The following KRT9 variants were observed in gnomAD, a reference collection of about 807,000 sequenced individuals.
The protein encoded by KRT9 is keratin, type I cytoskeletal 9.
In KRT9, 34 loss-of-function variants were observed where a neutral mutation model predicts 51.4. The ratio of observed to expected loss-of-function variants is 0.66; its 90% CI spans 0.50 to 0.88. The LOEUF (loss-of-function observed/expected upper bound fraction) is 0.88. KRT9 is among the 40% of genes least tolerant of loss of function. KRT9 has a pLI of 0.00. For synonymous variants in KRT9, 292 were observed against 289.7 expected (o/e 1.01, Z -0.08); for missense variants, 753 against 790.3 (o/e 0.95, Z 0.57).
chr17:41,567,786 CG>C, intron 6 of KRT9, 36 bp from the exon 7 acceptor site: 1 of 1,613,274 alleles, frequency 6.2e-7, no homozygotes, highest in Non-Finnish European at 8.5e-7. Flanking sequence ...TTAAAATGAG[CG>C]GCCCCCATAC....
rs770801767 is a variant in KRT9, at chr17:41,567,396, T to TC, written c.1748dup (p.Gly584ArgfsTer12). ...AACCACTTCCTCCACCATGGCTGCC[T>TC]CCACTTCCTCCCCTGGACCCACTTC... On this transcript the variant is annotated frameshift_variant, in exon 7 of 8. Coordinates refer to ENST00000246662, the MANE Select transcript of KRT9 (RefSeq NM_000226.4). LOFTEE classifies it low-confidence loss of function (END_TRUNC). 4 of 1,592,026 alleles carry TC rather than the reference T, an allele frequency of 2.5e-6. No individual in the cohort carries two copies. The South Asian group carries it at 4.5e-5, about 18-fold the overall frequency.
At chr17:41,569,066 C>T (rs1404998806) in intron 4 of KRT9, among the ~76,000 whole-genome samples, 1 of 152,132 alleles carries the variant, frequency 6.6e-6, no homozygotes, top group Non-Finnish European at 1.5e-5. Flanking sequence ...ACACTGTATC[C>T]CTCTGCTATA....
At chr17:41,566,305 T>C (rs1046147087) in intron 7 of KRT9, among the ~76,000 whole-genome samples, 153 bp from the exon 8 acceptor site, 11 of 152,274 alleles carry the variant, frequency 7.2e-5, no homozygotes, top group Admixed American at 2.0e-4. Context: ...CCCTGGGGTC[T>C]CCCAATCTAC....
intron 4 of KRT9, 94 bp downstream of exon 4, chr17:41,569,332 C>A (rs1031741452): frequency 5.6e-6 from 7 of 1,243,102 alleles, no homozygotes; most frequent in East Asian, 2.5e-5. Flanking sequence ...CTGAGAGATG[C>A]AGAGATAGGA....
intron 3 of KRT9, 50 bp downstream of exon 3, chr17:41,569,809 C>A: frequency 6.2e-7 from 1 of 1,609,762 alleles, no homozygotes. Flanking sequence ...GCTGTCTCTG[C>A]ATTTCTGCTC....
rs751248359 is a variant in KRT9 at position 41,568,652 on chromosome 17, A to G, written c.1045-19T>C. 21 of 1,614,004 alleles carry G rather than the reference A, an allele frequency of 1.3e-5. No homozygotes were observed. The highest frequency in any genetic ancestry group is 1.6e-4 in the Middle Eastern group (1 of 6,084). On this transcript the variant is annotated intron_variant, in intron 4 of 7. Coordinates refer to ENST00000246662, the MANE Select transcript of KRT9 (RefSeq NM_000226.4). ...GGGTTATCTGCAAAACCAAAGGCTC[A>G]GTAAGCATCAGGCTGTGCCAGGAGC...
chr17:41,568,278 G>A lies in KRT9; in HGVS notation c.1278C>T (p.Val426=). 1 of 1,614,154 alleles carries A rather than the reference G, an allele frequency of 6.2e-7. No homozygotes were observed. Among genetic ancestry groups the A allele is most frequent in the Non-Finnish European group, 8.5e-7 (1 of 1,180,032 alleles). Residue 426 remains valine, a synonymous_variant, in exon 6 of 8, where the codon GTC becomes GTT. Transcript: ENST00000246662. Reference sequence around the variant, plus strand: ...GATTCTGGCACTCGATCTCTTGCCGGACGTCAGTGATCTGGGCCTCCAAGT... The same window carrying A: ...GATTCTGGCACTCGATCTCTTGCCGAACGTCAGTGATCTGGGCCTCCAAGT... ...ISNLEAQITD[V]RQEIECQNQE...
Position 41,570,180 on chromosome 17 carries a change from TC to T in KRT9, c.682del (p.Asp228ThrfsTer7). ...LTVGNNKTLL[D>X]IDNTRMTLDD... ...CAGTGTCATGCGAGTGTTGTCAATGTCCAGGAGAGTTTTGTTGTTGCCCACT... is the reference window on the plus strand; with the variant it reads ...CAGTGTCATGCGAGTGTTGTCAATGTCAGGAGAGTTTTGTTGTTGCCCACT... On this transcript the variant is annotated frameshift_variant, in exon 2 of 8. Coordinates refer to ENST00000246662, the MANE Select transcript of KRT9 (RefSeq NM_000226.4). LOFTEE classifies it high-confidence loss of function. 6.2e-7 allele frequency: 1 copy of T among 1,613,938 alleles called. No homozygotes were observed. Among genetic ancestry groups the T allele is most frequent in the Non-Finnish European group, 8.5e-7 (1 of 1,179,976 alleles).
intron 1 of KRT9, among the ~76,000 whole-genome samples, chr17:41,570,790 C>G (rs1339230506): frequency 6.6e-6 from 1 of 152,134 alleles, no homozygotes; most frequent in Non-Finnish European, 1.5e-5. Flanking sequence ...CTATGTCTAC[C>G]CAGAGCAACC....
At chr17:41,570,092 G>C in intron 2 of KRT9, 46 bp downstream of exon 2, 1 of 1,612,472 alleles carries the variant, frequency 6.2e-7, no homozygotes, top group Non-Finnish European at 8.5e-7. Flanking sequence ...CTGAGGTTCA[G>C]GGGTAAGGGC....
At position 41,569,840 on chromosome 17, in the gene KRT9, A is replaced by T. The variant is rs1165300210; in HGVS notation, c.882+19T>A. 1 of 1,614,010 alleles carries T rather than the reference A, an allele frequency of 6.2e-7. No homozygotes were observed. The highest frequency in any genetic ancestry group is 8.5e-7 in the Non-Finnish European group (1 of 1,179,978). The stretch of plus-strand genomic sequence containing the variant: ...TGCTCCTCCCTCTTCCCGGTAAGCC[A>T]TAAGCCCCAGCAACCTACCTCCTTA... On this transcript the variant is annotated intron_variant, in intron 3 of 7. Coordinates refer to ENST00000246662, the MANE Select transcript of KRT9 (RefSeq NM_000226.4).
rs781455384 is a variant in KRT9, at chr17:41,569,547, T to A, written c.923A>T (p.Asn308Ile). Residue 308 changes from asparagine (N) to isoleucine (I), a missense_variant, in exon 4 of 8, where the codon AAT becomes ATT. This residue lies in a region of KRT9 where 507 missense variants were observed against 563.7 expected (regional missense o/e 0.90). Coordinates refer to ENST00000246662, the MANE Select transcript of KRT9 (RefSeq NM_000226.4). The part of the protein sequence containing the change: ...QLTGQNSGDV[N>I]VEINVAPGKD... ...GCCAGGAGCAACGTTTATCTCCACA[T>A]TGACATCTCCACTGTTCTGCCCAGT... is the stretch of plus-strand genomic sequence containing the variant. 2 of 1,614,132 alleles carry A rather than the reference T, an allele frequency of 1.2e-6. No individual in the cohort carries two copies. Among genetic ancestry groups the A allele is most frequent in the Non-Finnish European group, 1.7e-6 (2 of 1,180,032 alleles).
chr17:41,568,770 G>A (rs566242546), intron 4 of KRT9, 137 bp from the exon 5 acceptor site: 538 of 1,172,572 alleles, frequency 4.6e-4, no homozygotes, highest in Non-Finnish European at 6.3e-4. Flanking sequence ...CTGAGTTCTG[G>A]GTACCCTCCA....
Position 41,571,719 on chromosome 17 carries a change from C to A in KRT9, c.274G>T (p.Gly92Cys). The A allele has an allele frequency of 6.2e-7, 1 of 1,612,042 alleles. No individual in the cohort carries two copies. Among genetic ancestry groups the A allele is most frequent in the Non-Finnish European group, 8.5e-7 (1 of 1,179,166 alleles). Residue 92 changes from glycine to cysteine, a missense_variant, in exon 1 of 8, where the codon GGT becomes TGT. By Grantham distance (159) the Gly-to-Cys change is radical. This residue lies in a region of KRT9 where 241 missense variants were observed against 210.3 expected (regional missense o/e 1.15). Coordinates refer to ENST00000246662, the MANE Select transcript of KRT9 (RefSeq NM_000226.4). ...SASSLGGGFGGGSRGFGGASG... is the reference protein window; with the variant it reads ...SASSLGGGFGCGSRGFGGASG... ...GCACCACCAAAACCTCTGGAACCAC[C>A]CCCAAAGCCACCGCCTAAACTACTG...
At position 41,567,787 on chromosome 17, in the gene KRT9, G is replaced by A. The variant is rs111585207; in HGVS notation, c.1395-37C>T. The A allele has an allele frequency of 1.5e-3, 2,462 of 1,613,362 alleles. 4 individuals carry two copies. The highest frequency in any genetic ancestry group is 1.9e-3 in the Non-Finnish European group (2,257 of 1,179,992). ...AGAAAACAAGAGAGTTAAAATGAGC[G>A]GCCCCCATACACATATATGAGGATG... is the stretch of plus-strand genomic sequence containing the variant. On this transcript the variant is annotated intron_variant, in intron 6 of 7. Coordinates refer to ENST00000246662, the MANE Select transcript of KRT9 (RefSeq NM_000226.4).
In KRT9 at chr17:41,571,456, G is replaced by A. The variant is rs201691232; in HGVS notation, c.537C>T (p.Asn179=). ...DKVQALEEAN[N]DLENKIQDWY... ...AATCCTGGATCTTATTCTCCAGGTC[G>A]TTGTTGGCCTCCTCTAGAGCCTGCA... Residue 179 remains asparagine, a synonymous_variant, in exon 1 of 8, where the codon AAC becomes AAT. Coordinates refer to ENST00000246662, the MANE Select transcript of KRT9 (RefSeq NM_000226.4). The A allele has an allele frequency of 2.7e-5, 44 of 1,613,852 alleles. No homozygotes were observed. The highest frequency in any genetic ancestry group is 3.2e-5 in the Non-Finnish European group (38 of 1,179,996).
At chr17:41,567,785 G>A (rs549926673) in intron 6 of KRT9, 35 bp from the exon 7 acceptor site, 3 of 1,613,526 alleles carry the variant, frequency 1.9e-6, no homozygotes, top group Middle Eastern at 1.7e-4. Flanking sequence ...GTTAAAATGA[G>A]CGGCCCCCAT....
rs1276363777 is a variant in KRT9, at chr17:41,568,406, T to C, written c.1171-21A>G. On this transcript the variant is annotated intron_variant, in intron 5 of 7. Transcript: ENST00000246662. ...GCTTTCTAAGGGTTAGGAGAAGGCT[T>C]TAAGAGGGATGCTACATCATAACTC... 5.0e-6 allele frequency: 8 copies of C among 1,613,822 alleles called. No individual in the cohort carries two copies. In the African/African-American group the frequency reaches 9.3e-5, roughly 19 times the overall value.
Position 41,568,911 on chromosome 17 carries a change from TACACAC to T in KRT9, c.1045-284_1045-279del, listed in dbSNP as rs5820419. Among the ~76,000 whole-genome samples, 8,158 of 133,776 alleles carry T rather than the reference TACACAC, an allele frequency of 0.061. 294 individuals carry two copies. The highest frequency in any genetic ancestry group is 0.11 in the African/African-American group (3,796 of 35,630). 87.8% of individuals were successfully genotyped at this position (133,776 alleles called of 152,430 possible). ...CCAAACTTCCCCCACCTTTCAAACA[TACACAC>T]ACACACACACACACACACACACACA... On this transcript the variant is annotated intron_variant, in intron 4 of 7. Coordinates refer to ENST00000246662, the MANE Select transcript of KRT9 (RefSeq NM_000226.4).
Sources: allele counts gnomAD v4.1 joint callset (sites outside exome capture counted in the v4.1 genomes callset), GRCh38; gene constraint gnomAD v4.1.1; regional missense constraint gnomAD v4.1.1; transcripts MANE v1.5; gene names NCBI Gene and HGNC (gene_info 2026-07-23, HGNC 2026-07-21).